The following SLC25A18 variants were observed in gnomAD, a reference collection of about 807,000 sequenced individuals.
The protein encoded by SLC25A18 is solute carrier family 25 member 18, also known as mitochondrial glutamate carrier 2.
Under a neutral mutation model 31.1 loss-of-function variants are expected in SLC25A18, and 24 were observed. The ratio of observed to expected loss-of-function variants is 0.77; its 90% CI spans 0.56 to 1.08. The LOEUF (loss-of-function observed/expected upper bound fraction) is 1.08, where lower values mean the gene tolerates loss of function less well. SLC25A18 is among the 50% of genes least tolerant of loss of function. The pLI, the probability that SLC25A18 is intolerant of heterozygous loss-of-function variation, is 0.00. For missense variants in SLC25A18, 371 were observed against 418.5 expected (o/e 0.89, Z 0.99); for synonymous variants, 173 against 161.9 (o/e 1.07, Z -0.52).
chr22:17,573,944 T>G (rs1208098636), intron 2 of SLC25A18, among the ~76,000 whole-genome samples: 1 of 152,214 alleles, frequency 6.6e-6, no homozygotes, highest in African/African-American at 2.4e-5. Context: ...ATTTTCCCCC[T>G]TAAAAGCATT....
rs1178851600 is a variant in SLC25A18 at position 17,587,851 on chromosome 22, A to G, written c.576-74A>G. 3 of 1,592,886 alleles carry G rather than the reference A, an allele frequency of 1.9e-6. No homozygotes were observed. The African/African-American group carries it at 4.1e-5, about 22-fold the overall frequency. Reference sequence around the variant, plus strand: ...ACTGTAAGCCCCACAGCTCACAGCAAAGCTCATTGTCTCACCTTGGGTGGC... The same window carrying G: ...ACTGTAAGCCCCACAGCTCACAGCAGAGCTCATTGTCTCACCTTGGGTGGC... On this transcript the variant is annotated intron_variant, in intron 8 of 10. Coordinates refer to ENST00000327451, the MANE Select transcript of SLC25A18 (RefSeq NM_031481.3).
At chr22:17,574,756 C>A (rs1296811) in intron 2 of SLC25A18, among the ~76,000 whole-genome samples, 21,803 of 149,460 alleles carry the variant, frequency 0.15, 1,949 homozygotes, top group Non-Finnish European at 0.2. Context: ...TCCTGACCTC[C>A]TGATCCACCC....
intron 9 of SLC25A18, 154 bp downstream of exon 9, chr22:17,588,233 G>C (rs2057610693): frequency 1.3e-6 from 1 of 775,074 alleles, no homozygotes. Flanking sequence ...GGTCCCAAGA[G>C]ACCTTCCTTC....
rs576161498 is a variant in SLC25A18, at chr22:17,576,169, T to C, written c.-200-3576T>C. ...GAGATGGAGACCATCTTGGCCAACA[T>C]GGTGAAACCCCATCTCTACTAAAAA... On this transcript the variant is annotated intron_variant, in intron 2 of 10. Coordinates refer to ENST00000327451, the MANE Select transcript of SLC25A18 (RefSeq NM_031481.3). 5.3e-5 allele frequency among the ~76,000 whole-genome samples: 8 copies of C among 152,048 alleles called. No individual in the cohort carries two copies. In the East Asian group the frequency reaches 1.5e-3, roughly 29 times the overall value.
chr22:17,580,434 A>G (rs1012306975), intron 3 of SLC25A18: 49 of 670,002 alleles, frequency 7.3e-5, no homozygotes, highest in Non-Finnish European at 9.1e-5. Flanking sequence ...GTGGGGGGCC[A>G]TGTTATCTAA....
chr22:17,563,774 A>C lies in SLC25A18; in HGVS notation c.-264+61A>C, dbSNP rs572068882. The C allele has an allele frequency of 2.6e-5, 25 of 943,698 alleles. 1 individual carries two copies. In the South Asian group the frequency reaches 1.2e-3, roughly 44 times the overall value. 58.5% of individuals were successfully genotyped at this position (943,698 alleles called of 1,614,324 possible). On this transcript the variant is annotated intron_variant, in intron 1 of 10. Transcript: ENST00000327451. ...ACTTTGCCTAGTTACTAAGAAACCA[A>C]AAGGGGGAAAAATAGCCTCATCTGC...
At chr22:17,569,134 G>GT (rs2057022685) in intron 1 of SLC25A18, among the ~76,000 whole-genome samples, 1 of 149,942 alleles carries the variant, frequency 6.7e-6, no homozygotes, top group Non-Finnish European at 1.5e-5. Context: ...TCCGCATCCC[G>GT]AGTAGCTGGG....
rs1256051733 is a variant in SLC25A18, at chr22:17,581,019, G to C, written c.21-18G>C. 5 of 1,535,964 alleles carry C rather than the reference G, an allele frequency of 3.3e-6. No homozygotes were observed. The highest frequency in any genetic ancestry group is 4.4e-6 in the Non-Finnish European group (5 of 1,137,898). ...CTCCCTCTGCCTCTCTCCTCCCCCT[G>C]TCCTCCCCCTGTCCTAGCATCACAG... On this transcript the variant is annotated intron_variant, in intron 3 of 10. Coordinates refer to ENST00000327451, the MANE Select transcript of SLC25A18 (RefSeq NM_031481.3).
At chr22:17,574,527 T>TA (rs1186955486) in intron 2 of SLC25A18, among the ~76,000 whole-genome samples, 20 of 151,392 alleles carry the variant, frequency 1.3e-4, no homozygotes, top group Admixed American at 3.3e-4. Context: ...TTTTTTATTT[T>TA]TTTTTTTGAG....
At position 17,590,480 on chromosome 22, in the gene SLC25A18, C is replaced by T; in HGVS notation, c.*244C>T. On this transcript the variant is annotated 3_prime_UTR_variant, in exon 11 of 11. Transcript: ENST00000327451. ...ACCAGGGGCTTTTGGAAGCCCCTAA[C>T]CACCTACTTTTCAACAAAAATGGTA... 1 of 426,780 alleles carries T rather than the reference C, an allele frequency of 2.3e-6. No individual in the cohort carries two copies. Among genetic ancestry groups the T allele is most frequent in the South Asian group, 6.0e-5 (1 of 16,754 alleles). 26.4% of individuals were successfully genotyped at this position (426,780 alleles called of 1,614,324 possible).
intron 7 of SLC25A18, among the ~76,000 whole-genome samples, chr22:17,585,096 T>TAA (rs200271610): frequency 5.9e-4 from 85 of 144,674 alleles, no homozygotes; most frequent in African/African-American, 2.0e-3. Context: ...TAGTCTCCAG[T>TAA]AAAAAAAAAA....
At chr22:17,577,313 A>C (rs957971840) in intron 2 of SLC25A18, among the ~76,000 whole-genome samples, 2 of 147,062 alleles carry the variant, frequency 1.4e-5, no homozygotes, top group Non-Finnish European at 3.0e-5. Flanking sequence ...TGAGCCTCCA[A>C]GCCCAGCTAA....
chr22:17,582,170 A>G (rs2057393607), intron 5 of SLC25A18: 1 of 155,860 alleles, frequency 6.4e-6, no homozygotes, highest in Non-Finnish European at 1.4e-5. Flanking sequence ...CAGGAGATCG[A>G]GACCATCCTG....
intron 2 of SLC25A18, among the ~76,000 whole-genome samples, chr22:17,577,349 G>A (rs946025223): frequency 3.3e-5 from 5 of 151,508 alleles, no homozygotes; most frequent in Non-Finnish European, 7.4e-5. Context: ...GTAGAGATGG[G>A]GTTTCTCCAT....
Position 17,580,492 on chromosome 22 carries a change from C to T in SLC25A18, c.20+528C>T, listed in dbSNP as rs1375903849. On this transcript the variant is annotated intron_variant, in intron 3 of 10. Coordinates refer to ENST00000327451, the MANE Select transcript of SLC25A18 (RefSeq NM_031481.3). ...GAACTAGGTCACCTCAAGGGCTGAC[C>T]GACTTGAAGCCTTCACTGTGGGAAG... is the stretch of plus-strand genomic sequence containing the variant. The T allele has an allele frequency of 5.1e-5, 50 of 985,684 alleles. No individual in the cohort carries two copies. The East Asian group carries it at 2.5e-3, about 49-fold the overall frequency. 61.1% of individuals were successfully genotyped at this position (985,684 alleles called of 1,614,324 possible).
chr22:17,584,217 C>G, intron 7 of SLC25A18: 1 of 266,770 alleles, frequency 3.7e-6, no homozygotes, highest in Non-Finnish European at 5.7e-6. Context: ...CACGGTGAAA[C>G]CCCATCTTTA....
intron 3 of SLC25A18, 32 bp from the exon 4 acceptor site, chr22:17,581,003 CCT>C (rs1441317537): frequency 1.3e-6 from 2 of 1,521,322 alleles, no homozygotes; most frequent in Non-Finnish European, 1.8e-6. Context: ...CCTCCCTCTG[CCT>C]CTCTCCTCCC....
chr22:17,566,346 C>T (rs1208943075), intron 1 of SLC25A18, among the ~76,000 whole-genome samples: 1 of 151,958 alleles, frequency 6.6e-6, no homozygotes, highest in East Asian at 1.9e-4. Flanking sequence ...TTTAATCACC[C>T]ACCAAGCCCT....
intron 2 of SLC25A18, among the ~76,000 whole-genome samples, chr22:17,577,876 C>T (rs2057273693): frequency 6.6e-6 from 1 of 151,074 alleles, no homozygotes; most frequent in Non-Finnish European, 1.5e-5. Context: ...GGGGTTTCAC[C>T]ATGTTGCCCA....
Sources: gnomAD v4.1 joint callset for allele counts (sites outside exome capture counted in the v4.1 genomes callset) on GRCh38, gnomAD v4.1.1 for gene constraint, MANE v1.5 for transcripts, NCBI Gene and HGNC (gene_info 2026-07-23, HGNC 2026-07-21) for gene names.